The following CCDC192 variants were observed in gnomAD, a reference collection of about 807,000 sequenced individuals.
CCDC192 encodes the protein coiled-coil domain-containing protein 192.
At chr5:127,921,087 AGAAAGGAAAG>A (rs141415438) in intron 6 of CCDC192, among the ~76,000 whole-genome samples, 16 of 131,786 alleles carry the variant, frequency 1.2e-4, no homozygotes, top group Non-Finnish European at 1.8e-4. Flanking sequence ...GGAAAGGAAA[AGAAAGGAAAG>A]GAAAGGAAAG....
At chr5:127,768,691 A>G (rs1183190160) in intron 3 of CCDC192, among the ~76,000 whole-genome samples, 1 of 152,228 alleles carries the variant, frequency 6.6e-6, no homozygotes, top group Admixed American at 6.5e-5. Flanking sequence ...AGAAATGACT[A>G]CAAAAGCTAT....
intron 6 of CCDC192, among the ~76,000 whole-genome samples, chr5:127,911,706 T>G (rs1212776831): frequency 1.3e-5 from 2 of 150,572 alleles, no homozygotes; most frequent in African/African-American, 4.9e-5. Context: ...CCACTTTTTT[T>G]TTTTTTTTTT....
At chr5:127,800,949 A>G (rs1032298769) in intron 5 of CCDC192, among the ~76,000 whole-genome samples, 3 of 152,096 alleles carry the variant, frequency 2.0e-5, no homozygotes, top group Non-Finnish European at 4.4e-5. Context: ...AATTGTTAAC[A>G]TATGTGAGTG....
At chr5:127,911,704 T>C (rs1753358988) in intron 6 of CCDC192, among the ~76,000 whole-genome samples, 1 of 149,792 alleles carries the variant, frequency 6.7e-6, no homozygotes, top group African/African-American at 2.4e-5. Context: ...TACCACTTTT[T>C]TTTTTTTTTT....
intron 3 of CCDC192, among the ~76,000 whole-genome samples, chr5:127,766,393 C>T (rs2126899433): frequency 6.6e-6 from 1 of 152,074 alleles, no homozygotes; most frequent in South Asian, 2.1e-4. Context: ...ATCAATCAAT[C>T]AAATTCAATT....
chr5:127,921,154 A>C (rs754719569), intron 6 of CCDC192, among the ~76,000 whole-genome samples: 4,008 of 98,382 alleles, frequency 0.041, 196 homozygotes, highest in East Asian at 0.25. Flanking sequence ...GAGGAAAGGA[A>C]AGGAGAAAAG....
chr5:127,702,566 A>T (rs1417518602), upstream of CCDC192, among the ~76,000 whole-genome samples: 1 of 152,228 alleles, frequency 6.6e-6, no homozygotes, highest in Admixed American at 6.5e-5. Flanking sequence ...TACTTGCTCT[A>T]TAATGCTCTA....
At chr5:127,825,452 A>G (rs1274580365) in intron 5 of CCDC192, among the ~76,000 whole-genome samples, 1 of 152,172 alleles carries the variant, frequency 6.6e-6, no homozygotes. Context: ...GCAGCATCCC[A>G]GTACTTCAAG....
rs564538164 is a variant in CCDC192 at position 127,797,843 on chromosome 5, G to A, written c.355-263G>A. 2.6e-4 allele frequency among the ~76,000 whole-genome samples: 39 copies of A among 147,234 alleles called. No individual in the cohort carries two copies. In the South Asian group the frequency reaches 4.7e-3, roughly 18 times the overall value. On this transcript the variant is annotated intron_variant, in intron 4 of 6. Coordinates refer to ENST00000514853, the MANE Select transcript of CCDC192 (RefSeq NM_001317938.2). ...TGATATAGGGGCATTTGCATTAACC[G>A]TAGCACATCAAGCTAACATTATCTT...
chr5:127,790,813 A>C (rs1476052669), intron 3 of CCDC192, among the ~76,000 whole-genome samples: 1 of 152,228 alleles, frequency 6.6e-6, no homozygotes, highest in African/African-American at 2.4e-5. Flanking sequence ...CTGAATTTTT[A>C]AGCTCTGAGA....
At chr5:127,846,152 GGTGGTGC>G (rs1201227518) in intron 5 of CCDC192, among the ~76,000 whole-genome samples, 5 of 152,094 alleles carry the variant, frequency 3.3e-5, no homozygotes, top group South Asian at 2.1e-4. Flanking sequence ...AGCCAGTGGT[GGTGGTGC>G]GTGCCTGTAG....
intron 6 of CCDC192, among the ~76,000 whole-genome samples, chr5:127,893,786 A>G (rs1345154135): frequency 3.3e-5 from 5 of 152,174 alleles, no homozygotes; most frequent in African/African-American, 9.7e-5. Flanking sequence ...AATGTTGCAT[A>G]TATATATACC....
chr5:127,905,292 T>C (rs970869022), intron 6 of CCDC192, among the ~76,000 whole-genome samples: 1 of 152,226 alleles, frequency 6.6e-6, no homozygotes, highest in Non-Finnish European at 1.5e-5. Context: ...TATTAATCTA[T>C]GAAGTTGCGT....
At chr5:127,868,406 A>G (rs546043499) in intron 5 of CCDC192, among the ~76,000 whole-genome samples, 1 of 152,290 alleles carries the variant, frequency 6.6e-6, no homozygotes, top group African/African-American at 2.4e-5. Flanking sequence ...CTCTGTTTCT[A>G]CTTCTCCATC....
intron 5 of CCDC192, among the ~76,000 whole-genome samples, chr5:127,820,464 C>T (rs1164259337): frequency 6.6e-6 from 1 of 152,134 alleles, no homozygotes; most frequent in Non-Finnish European, 1.5e-5. Flanking sequence ...GCCTGTAATC[C>T]CAGCTACTCA....
At chr5:127,755,680 C>CAAA (rs35162424) in intron 3 of CCDC192, among the ~76,000 whole-genome samples, 1 of 113,546 alleles carries the variant, frequency 8.8e-6, no homozygotes. Flanking sequence ...CATTTCAAAG[C>CAAA]AAAAAAAAAA....
chr5:127,704,838 AAAATAAATAAATAAATAAAT>A (rs57523949), intron 1 of CCDC192, among the ~76,000 whole-genome samples: 47 of 144,492 alleles, frequency 3.3e-4, no homozygotes, highest in African/African-American at 9.4e-4. Context: ...AACTCCATCT[AAAATAAATAAATAAATAAAT>A]AAATAAATAA....
intron 5 of CCDC192, among the ~76,000 whole-genome samples, chr5:127,798,772 A>T (rs940999523): frequency 1.6e-4 from 24 of 151,302 alleles, no homozygotes; most frequent in African/African-American, 5.3e-4. Context: ...ATTAATATTG[A>T]TTTTAGGCAA....
chr5:127,801,611 C>T (rs1448494751), intron 5 of CCDC192, among the ~76,000 whole-genome samples: 2 of 152,178 alleles, frequency 1.3e-5, no homozygotes, highest in Non-Finnish European at 2.9e-5. Flanking sequence ...CTTCTCTCTT[C>T]TCTTCATTCA....
Sources: gnomAD v4.1 joint callset for allele counts (sites outside exome capture counted in the v4.1 genomes callset) on GRCh38, gnomAD v4.1.1 for gene constraint, MANE v1.5 for transcripts, NCBI Gene and HGNC (gene_info 2026-07-23, HGNC 2026-07-21) for gene names.